UBE2L3: variants seen among roughly 807,000 people sequenced by gnomAD.
UBE2L3 encodes the protein ubiquitin-conjugating enzyme E2 L3.
A neutral mutation model predicts 17.8 loss-of-function variants in UBE2L3; 1 was observed. The ratio of observed to expected loss-of-function variants is 0.06; its 90% CI spans 0.02 to 0.27. The LOEUF (loss-of-function observed/expected upper bound fraction) is 0.27, where lower values mean the gene tolerates loss of function less well. Among genes scored for constraint, UBE2L3 ranks in the 10% least tolerant of loss-of-function variants. The pLI is 1.00. For synonymous variants in UBE2L3, 44 were observed against 68.5 expected (o/e 0.64, Z 1.76); for missense variants, 40 against 192.6 (o/e 0.21, Z 4.69).
intron 1 of UBE2L3, among the ~76,000 whole-genome samples, chr22:21,586,190 G>A (rs943163667): frequency 3.9e-5 from 6 of 152,104 alleles, no homozygotes; most frequent in African/African-American, 1.4e-4. Flanking sequence ...TGATCCTCCT[G>A]CCTTGACCAC....
At position 21,603,145 on chromosome 22, in the gene UBE2L3, A is replaced by G. The variant is rs1928951057; in HGVS notation, c.124-7712A>G. 2.6e-5 allele frequency among the ~76,000 whole-genome samples: 4 copies of G among 152,346 alleles called. No individual in the cohort carries two copies. In the South Asian group the frequency reaches 6.2e-4, roughly 24 times the overall value. On this transcript the variant is annotated intron_variant, in intron 2 of 3. Transcript: ENST00000342192. ...CAACTCTTATTTACATGCATGCATT[A>G]TAATGACTAGAAGCAAATACAGGAA... is the stretch of plus-strand genomic sequence containing the variant.
intron 3 of UBE2L3, among the ~76,000 whole-genome samples, chr22:21,615,458 G>A (rs1451401081): frequency 6.6e-6 from 1 of 150,650 alleles, no homozygotes; most frequent in Non-Finnish European, 1.5e-5. Flanking sequence ...GGGAGGCTGA[G>A]GCAGGAGAAT....
intron 3 of UBE2L3, among the ~76,000 whole-genome samples, chr22:21,613,534 G>C (rs2148444620): frequency 6.6e-6 from 1 of 152,254 alleles, no homozygotes; most frequent in Admixed American, 6.5e-5. Flanking sequence ...TTGTGGCATG[G>C]CCTTGATCCC....
intron 2 of UBE2L3, among the ~76,000 whole-genome samples, chr22:21,601,311 T>G (rs879788648): frequency 2.2e-4 from 33 of 151,694 alleles, no homozygotes; most frequent in Non-Finnish European, 3.7e-4. Flanking sequence ...CTCTTTTGGG[T>G]TTTTTTGTTT....
chr22:21,618,195 T>A (rs1457850218), intron 3 of UBE2L3, among the ~76,000 whole-genome samples: 1 of 140,542 alleles, frequency 7.1e-6, no homozygotes, highest in Non-Finnish European at 1.5e-5. Flanking sequence ...AAAAAAAAAA[T>A]TCAGACTTGA....
At chr22:21,584,416 C>T (rs1927822529) in intron 1 of UBE2L3, among the ~76,000 whole-genome samples, 1 of 151,972 alleles carries the variant, frequency 6.6e-6, no homozygotes, top group South Asian at 2.1e-4. Flanking sequence ...ACCTTGTGTT[C>T]TGCCTGCCTT....
At chr22:21,610,238 GACCTAATC>G (rs1409838341) in intron 2 of UBE2L3, among the ~76,000 whole-genome samples, 1 of 152,202 alleles carries the variant, frequency 6.6e-6, no homozygotes, top group African/African-American at 2.4e-5. Flanking sequence ...ATCCCATCAT[GACCTAATC>G]ACTTCCCAAT....
At chr22:21,556,515 C>T (rs73398497) in intron 1 of UBE2L3, among the ~76,000 whole-genome samples, 9,885 of 151,182 alleles carry the variant, frequency 0.065, 570 homozygotes, top group African/African-American at 0.23. Flanking sequence ...CTGCAACGTT[C>T]GCCTCCTGGA....
At chr22:21,616,432 C>T (rs1454733679) in intron 3 of UBE2L3, among the ~76,000 whole-genome samples, 1 of 151,966 alleles carries the variant, frequency 6.6e-6, no homozygotes, top group Non-Finnish European at 1.5e-5. Flanking sequence ...GGGCGGATCA[C>T]AAGGTCAAGA....
In UBE2L3 at chr22:21,611,079, C is replaced by T. The variant is rs757761935; in HGVS notation, c.310+36C>T. The stretch of plus-strand genomic sequence containing the variant: ...TGCCTGTGTCTTCCTCGGAGGGGGT[C>T]TTTGGGGGTGCTGCTCTGGGGTGGG... On this transcript the variant is annotated intron_variant, in intron 3 of 3. Transcript: ENST00000342192. 14 of 1,543,966 alleles carry T rather than the reference C, an allele frequency of 9.1e-6. 1 individual carries two copies. In the South Asian group the frequency reaches 1.7e-4, roughly 18 times the overall value.
chr22:21,562,687 T>C (rs1427360981), intron 1 of UBE2L3, among the ~76,000 whole-genome samples: 1 of 146,310 alleles, frequency 6.8e-6, no homozygotes, highest in African/African-American at 2.5e-5. Context: ...TTTTTTTTTT[T>C]TTTGTATTTT....
chr22:21,605,431 A>G (rs1929104299), intron 2 of UBE2L3, among the ~76,000 whole-genome samples: 1 of 151,862 alleles, frequency 6.6e-6, no homozygotes, highest in South Asian at 2.1e-4. Context: ...GTTAGCCAGG[A>G]TGGTCTCGAT....
At chr22:21,560,020 CT>C (rs1384717967) in intron 1 of UBE2L3, among the ~76,000 whole-genome samples, 3 of 152,280 alleles carry the variant, frequency 2.0e-5, no homozygotes, top group African/African-American at 4.8e-5. Flanking sequence ...CTGGGGCCCC[CT>C]GGCCTACTGG....
At chr22:21,614,478 C>T in intron 3 of UBE2L3, 1 of 896,102 alleles carries the variant, frequency 1.1e-6, no homozygotes, top group South Asian at 1.4e-5. Context: ...GTGCCACCCT[C>T]CTGCTGTAAT....
chr22:21,613,908 A>G (rs140955690), intron 3 of UBE2L3, among the ~76,000 whole-genome samples: 83 of 152,370 alleles, frequency 5.4e-4, no homozygotes, highest in Middle Eastern at 6.8e-3. Context: ...TCAGGGTTCC[A>G]GGGTGAAGGC....
At chr22:21,611,106 G>C (rs1054130716) in intron 3 of UBE2L3, 63 bp downstream of exon 3, 1 of 1,475,956 alleles carries the variant, frequency 6.8e-7, no homozygotes, top group Admixed American at 2.6e-5. Context: ...TGGGGTGGGG[G>C]CTTCTGGTAC....
intron 1 of UBE2L3, among the ~76,000 whole-genome samples, chr22:21,575,869 T>A (rs1927262236): frequency 6.6e-6 from 1 of 151,832 alleles, no homozygotes; most frequent in South Asian, 2.1e-4. Context: ...CTCGAACTCC[T>A]GCCCTCAGGC....
At position 21,606,303 on chromosome 22, in the gene UBE2L3, C is replaced by T. The variant is rs12170610; in HGVS notation, c.124-4554C>T. The stretch of plus-strand genomic sequence containing the variant: ...TCATGCAGGAAAGTGTGCGCGCGCG[C>T]GTGTGTGTGGTATGTGTGTGTGTGT... On this transcript the variant is annotated intron_variant, in intron 2 of 3. Coordinates refer to ENST00000342192, the MANE Select transcript of UBE2L3 (RefSeq NM_003347.4). 8.8e-3 allele frequency among the ~76,000 whole-genome samples: 1,165 copies of T among 132,890 alleles called. 17 individuals carry two copies. The highest frequency in any genetic ancestry group is 0.027 in the African/African-American group (1,077 of 40,200). 87.2% of individuals were successfully genotyped at this position (132,890 alleles called of 152,430 possible).
intron 1 of UBE2L3, among the ~76,000 whole-genome samples, chr22:21,579,285 C>T (rs1355008837): frequency 1.3e-5 from 2 of 152,080 alleles, no homozygotes; most frequent in African/African-American, 2.4e-5. Context: ...AGCCACCATG[C>T]CCAGCCCCAG....
Sources: gnomAD v4.1 joint callset for allele counts (sites outside exome capture counted in the v4.1 genomes callset) on GRCh38, gnomAD v4.1.1 for gene constraint, MANE v1.5 for transcripts, NCBI Gene and HGNC (gene_info 2026-07-23, HGNC 2026-07-21) for gene names.